MRPS18A: variants seen among roughly 807,000 people sequenced by gnomAD.
The protein encoded by MRPS18A is mitochondrial ribosomal protein S18A, also known as large ribosomal subunit protein mL66.
MRPS18A carries 20 observed loss-of-function variants against 22.7 expected under a neutral mutation model. That is an observed-to-expected ratio of 0.88 (90% CI 0.62 to 1.28). MRPS18A has a LOEUF of 1.28. Among genes scored for constraint, MRPS18A ranks in the 50% most tolerant of loss-of-function variants. The pLI is 0.00. For missense variants in MRPS18A, 294 were observed against 262.6 expected (o/e 1.12, Z -0.83); for synonymous variants, 106 against 99.1 (o/e 1.07, Z -0.41).
At chr6:43,683,534 G>C (rs1466070328) in intron 1 of MRPS18A, among the ~76,000 whole-genome samples, 1 of 152,208 alleles carries the variant, frequency 6.6e-6, no homozygotes, top group African/African-American at 2.4e-5. Context: ...CAAGAGAAGT[G>C]GGGGTGGCTA....
chr6:43,671,542 A>G lies in MRPS18A; in HGVS notation c.*220T>C. 3.4e-6 allele frequency: 2 copies of G among 593,710 alleles called. No individual in the cohort carries two copies. Among genetic ancestry groups the G allele is most frequent in the Non-Finnish European group, 5.9e-6 (2 of 336,306 alleles). The allele number at this position is 593,710 out of a possible 1,614,324, so 36.8% of individuals were successfully genotyped here. A position where few individuals can be genotyped will look rare whatever the true frequency, so the allele number is the denominator to read the frequency against. ...TGGCCTAAGCCCCATAGCAGCTGGCAAGGGACCCAACTGCCCTGCCTGCCT... is the reference window on the plus strand; with the variant it reads ...TGGCCTAAGCCCCATAGCAGCTGGCGAGGGACCCAACTGCCCTGCCTGCCT... On this transcript the variant is annotated 3_prime_UTR_variant, in exon 6 of 6. Transcript: ENST00000372133.
intron 2 of MRPS18A, among the ~76,000 whole-genome samples, chr6:43,679,549 C>T (rs969174854): frequency 2.6e-5 from 4 of 152,100 alleles, no homozygotes; most frequent in Admixed American, 6.6e-5. Context: ...AATTACTAAG[C>T]GCAATAAACC....
intron 1 of MRPS18A, among the ~76,000 whole-genome samples, chr6:43,681,368 A>C (rs916717930): frequency 6.6e-6 from 1 of 152,246 alleles, no homozygotes. Context: ...GGGATTAAGG[A>C]GTTCCGCACT....
chr6:43,674,826 T>G (rs939112588), intron 5 of MRPS18A, among the ~76,000 whole-genome samples: 8 of 152,342 alleles, frequency 5.3e-5, no homozygotes, highest in South Asian at 2.1e-4. Flanking sequence ...TCAGTGGCAC[T>G]AACCCAGGAG....
chr6:43,674,547 A>G (rs1773942271), intron 5 of MRPS18A, among the ~76,000 whole-genome samples: 1 of 152,218 alleles, frequency 6.6e-6, no homozygotes, highest in Non-Finnish European at 1.5e-5. Flanking sequence ...GAGAGGAGGG[A>G]AGAAGGGAAC....
At chr6:43,672,273 A>C in intron 5 of MRPS18A, 1 of 441,514 alleles carries the variant, frequency 2.3e-6, no homozygotes, top group South Asian at 1.7e-5. Context: ...GAGCTGATGT[A>C]AGGCTCTGGA....
In MRPS18A at chr6:43,687,117, T is replaced by C. The variant is rs569891115; in HGVS notation, c.112+551A>G. ...ATCAGGCCGCTTTCCCAGATTAAGA[T>C]TAATGAAAAGCTGAACTACCATCCT... On this transcript the variant is annotated intron_variant, in intron 1 of 5. Transcript: ENST00000372133. Among the ~76,000 whole-genome samples, 331 of 152,318 alleles carry C rather than the reference T, an allele frequency of 2.2e-3. 3 individuals are homozygous for C. The highest frequency in any genetic ancestry group is 6.8e-3 in the African/African-American group (284 of 41,562).
chr6:43,679,125 G>A (rs775705730), intron 2 of MRPS18A, among the ~76,000 whole-genome samples: 7 of 152,222 alleles, frequency 4.6e-5, no homozygotes, highest in Non-Finnish European at 8.8e-5. Flanking sequence ...ACAGAGCTAA[G>A]GCTATGCCAA....
chr6:43,672,627 C>G (rs1292194417), intron 5 of MRPS18A: 5 of 306,072 alleles, frequency 1.6e-5, no homozygotes, highest in Non-Finnish European at 3.4e-5. Flanking sequence ...ATTCTGAAAG[C>G]TCAGCCATGA....
Position 43,673,560 on chromosome 6 carries a change from G to A in MRPS18A, c.446+1642C>T, listed in dbSNP as rs1025959959. 2.0e-5 allele frequency among the ~76,000 whole-genome samples: 3 copies of A among 152,350 alleles called. No homozygotes were observed. The highest frequency in any genetic ancestry group is 6.5e-5 in the Admixed American group (1 of 15,310). On this transcript the variant is annotated intron_variant, in intron 5 of 5. Transcript: ENST00000372133. The surrounding 1 kb of genome is among the most constrained non-coding windows in gnomAD (Gnocchi z 4.2). The stretch of plus-strand genomic sequence containing the variant: ...CTTGGGCCTGATGCCTGCGCCACAC[G>A]GAGCGGCCAGCTGGCAGGGGGTGGG...
intron 3 of MRPS18A, among the ~76,000 whole-genome samples, chr6:43,676,889 G>A (rs1419991725): frequency 1.3e-5 from 2 of 152,182 alleles, no homozygotes; most frequent in East Asian, 3.9e-4. Context: ...CTGATGAAAA[G>A]AACTTGGATT....
Position 43,678,633 on chromosome 6 carries a change from A to G in MRPS18A, c.145-8T>C. On this transcript the variant is annotated splice_polypyrimidine_tract_variant and splice_region_variant and intron_variant, in intron 2 of 5. Coordinates refer to ENST00000372133, the MANE Select transcript of MRPS18A (RefSeq NM_018135.4). The stretch of plus-strand genomic sequence containing the variant: ...TGTGATACGGCCTTCAATCTAGGAG[A>G]CAGAGAAAGTGAGCCAGTGTGAGAG... 1 of 1,603,136 alleles carries G rather than the reference A, an allele frequency of 6.2e-7. No individual in the cohort carries two copies. Among genetic ancestry groups the G allele is most frequent in the East Asian group, 2.2e-5 (1 of 44,792 alleles).
At chr6:43,675,400 A>G in intron 4 of MRPS18A, 94 bp downstream of exon 4, 1 of 1,607,268 alleles carries the variant, frequency 6.2e-7, no homozygotes, top group Non-Finnish European at 8.5e-7. Flanking sequence ...CCGGATATCC[A>G]CTTTTCTTCC....
At chr6:43,684,604 T>A (rs1234066337) in intron 1 of MRPS18A, among the ~76,000 whole-genome samples, 1 of 152,162 alleles carries the variant, frequency 6.6e-6, no homozygotes, top group Non-Finnish European at 1.5e-5. Context: ...CACAAAAATT[T>A]CTTCCCACTA....
rs1046115622 is a variant in MRPS18A at position 43,673,426 on chromosome 6, A to G, written c.447-1520T>C. ...GAGCAGGCTCCCCAGAAGGGTGCTC[A>G]TTGAGATTTGGGGATGCAGAGGAAA... is the stretch of plus-strand genomic sequence containing the variant. On this transcript the variant is annotated intron_variant, in intron 5 of 5. Coordinates refer to ENST00000372133, the MANE Select transcript of MRPS18A (RefSeq NM_018135.4). This position sits in a 1 kb window ranked among gnomAD's most constrained non-coding sequence, Gnocchi z 4.2. 2.0e-5 allele frequency among the ~76,000 whole-genome samples: 3 copies of G among 152,186 alleles called. No individual in the cohort carries two copies. The highest frequency in any genetic ancestry group is 4.4e-5 in the Non-Finnish European group (3 of 68,032).
At chr6:43,671,991 A>C in intron 5 of MRPS18A, 85 bp from the exon 6 acceptor site, 1 of 1,425,978 alleles carries the variant, frequency 7.0e-7, no homozygotes, top group African/African-American at 1.4e-5. Context: ...TCCTCAGGCC[A>C]GGCCACGGTT....
intron 1 of MRPS18A, among the ~76,000 whole-genome samples, chr6:43,683,445 T>C (rs1456990734): frequency 6.6e-6 from 1 of 152,142 alleles, no homozygotes; most frequent in Non-Finnish European, 1.5e-5. Context: ...CAAAATAGTA[T>C]TGATTTACAG....
At chr6:43,686,643 C>G (rs375707601) in intron 1 of MRPS18A, among the ~76,000 whole-genome samples, 4 of 152,174 alleles carry the variant, frequency 2.6e-5, no homozygotes, top group South Asian at 4.1e-4. Context: ...CTTTTCTGCT[C>G]CCTCTGACAA....
At chr6:43,675,678 C>G in intron 3 of MRPS18A, 61 bp from the exon 4 acceptor site, 2 of 1,547,762 alleles carry the variant, frequency 1.3e-6, no homozygotes, top group Non-Finnish European at 1.7e-6. Context: ...TGCCGGGAAG[C>G]TAGGGCTTCA....
Sources: allele counts gnomAD v4.1 joint callset (sites outside exome capture counted in the v4.1 genomes callset), GRCh38; gene constraint gnomAD v4.1.1; non-coding constraint Gnocchi (gnomAD v3.1); transcripts MANE v1.5; gene names NCBI Gene and HGNC (gene_info 2026-07-23, HGNC 2026-07-21).